The following SASH1 variants were observed in gnomAD, a reference collection of about 807,000 sequenced individuals.
The protein encoded by SASH1 is SAM and SH3 domain-containing protein 1.
SASH1 carries 44 observed loss-of-function variants against 125.2 expected under a neutral mutation model. The observed-to-expected ratio is 0.35, with a 90% confidence interval of 0.28 to 0.45. The LOEUF is 0.45. SASH1 is among the 20% of genes least tolerant of loss of function. SASH1 has a pLI of 1.00. For synonymous variants in SASH1, 639 were observed against 649.1 expected, an observed-to-expected ratio of 0.98 and a Z score of 0.24; for missense variants, 1,426 against 1,614.5, an observed-to-expected ratio of 0.88 and a Z score of 2.00.
At position 148,544,095 on chromosome 6, in the gene SASH1, T is replaced by G. The variant is rs751922527; in HGVS notation, c.2625T>G (p.Ser875=). ...AAGTGCCACAGAAGACGACCGCCTC[T>G]TCCACGAAGGCCCAGCCCCTGGAGC... The part of the protein sequence containing the change: ...VPEVPQKTTA[S]STKAQPLEQD... The change falls in exon 18 of 20, where the codon TCT becomes TCG. Residue 875 remains serine (S), a synonymous_variant. Coordinates refer to ENST00000367467, the MANE Select transcript of SASH1 (RefSeq NM_015278.5). The surrounding 1 kb of genome is among the most constrained non-coding windows in gnomAD (Gnocchi z 6.4). 1 of 1,614,076 alleles carries G rather than the reference T, an allele frequency of 6.2e-7. No homozygotes were observed. The highest frequency in any genetic ancestry group is 1.6e-4 in the Middle Eastern group (1 of 6,062).
At chr6:148,316,508 C>T (rs546510403) in intron 1 of SASH1, among the ~76,000 whole-genome samples, 2 of 152,242 alleles carry the variant, frequency 1.3e-5, no homozygotes, top group African/African-American at 2.4e-5. Context: ...GAACAGCACA[C>T]GGCCCGCTTC....
At chr6:148,383,579 C>T (rs1783241234) in intron 1 of SASH1, among the ~76,000 whole-genome samples, 1 of 152,110 alleles carries the variant, frequency 6.6e-6, no homozygotes, top group South Asian at 2.1e-4. Flanking sequence ...TGCATACAAT[C>T]TGCATGCAAC....
At chr6:148,255,484 T>C in the SASH1 span, among the ~76,000 whole-genome samples, 1 of 152,182 alleles carries the variant, frequency 6.6e-6, no homozygotes, top group African/African-American at 2.4e-5. Flanking sequence ...CTTCAAAATA[T>C]GAATTTGGGG....
At chr6:148,227,250 G>A in the SASH1 span, among the ~76,000 whole-genome samples, 1 of 152,156 alleles carries the variant, frequency 6.6e-6, no homozygotes, top group Non-Finnish European at 1.5e-5. Context: ...TCCATTAGAA[G>A]GTAAATTCCT....
chr6:148,306,823 G>A (rs1435726714), intron 1 of SASH1, among the ~76,000 whole-genome samples: 2 of 152,096 alleles, frequency 1.3e-5, no homozygotes, highest in African/African-American at 2.4e-5. Flanking sequence ...TCAAGAATTG[G>A]GAGAGCTTCA....
the SASH1 span, among the ~76,000 whole-genome samples, chr6:148,247,744 A>G: frequency 8.5e-5 from 13 of 152,372 alleles, no homozygotes; most frequent in African/African-American, 2.2e-4. Context: ...GAAAGTTCCC[A>G]TGCAAGTGGG....
In SASH1 at chr6:148,514,476, A is replaced by G; in HGVS notation, c.862+20A>G. ...CTGAAGGTAAAAAAAAAAAAAAAAA[A>G]AAAAAAAAAAGGCAGACTCCACCCT... is the stretch of plus-strand genomic sequence containing the variant. On this transcript the variant is annotated intron_variant, in intron 9 of 19. Coordinates refer to ENST00000367467, the MANE Select transcript of SASH1 (RefSeq NM_015278.5). The G allele has an allele frequency of 7.1e-7, 1 of 1,415,496 alleles. No individual in the cohort carries two copies. 87.7% of individuals were successfully genotyped at this position (1,415,496 alleles called of 1,614,324 possible).
At chr6:148,194,916 A>G in the SASH1 span, among the ~76,000 whole-genome samples, 2 of 143,808 alleles carry the variant, frequency 1.4e-5, no homozygotes, top group Non-Finnish European at 2.9e-5. Flanking sequence ...AAAACAAAAC[A>G]AAAAAAGAAT....
chr6:148,482,935 TGCC>T (rs1778693912), intron 7 of SASH1, among the ~76,000 whole-genome samples: 2 of 152,050 alleles, frequency 1.3e-5, no homozygotes, highest in African/African-American at 4.8e-5. Context: ...GTGATCCACC[TGCC>T]TCAGCCTCCC....
chr6:148,450,824 G>A (rs191942433), intron 4 of SASH1, among the ~76,000 whole-genome samples: 74 of 151,784 alleles, frequency 4.9e-4, no homozygotes, highest in African/African-American at 1.6e-3. Context: ...GAATTAAGAT[G>A]CCCTACCTGA....
At chr6:148,493,256 T>C (rs1428546887) in intron 8 of SASH1, among the ~76,000 whole-genome samples, 1 of 152,236 alleles carries the variant, frequency 6.6e-6, no homozygotes, top group Non-Finnish European at 1.5e-5. Context: ...ATTGTAATCC[T>C]AAGGTATATA....
rs767845658 is a variant in SASH1 at position 148,468,551 on chromosome 6, T to G, written c.393T>G (p.Pro131=). ...ATTTGTTTTTCTTTTCTAGGAACCC[T>G]CTTCATAAATCAAACTCAGAAGACA... ...VSTPEVERKN[P]LHKSNSEDSS... is the part of the protein sequence containing the mutation. The change falls in exon 5 of 20, where the codon CCT becomes CCG. Residue 131 remains proline (P), a synonymous_variant. Transcript: ENST00000367467. 64 of 1,609,388 alleles carry G rather than the reference T, an allele frequency of 4.0e-5. No homozygotes were observed. Among genetic ancestry groups the G allele is most frequent in the African/African-American group, 2.7e-5 (2 of 74,828 alleles).
At chr6:148,387,616 CTTTCT>C (rs1783480050) in intron 1 of SASH1, among the ~76,000 whole-genome samples, 1 of 21,002 alleles carries the variant, frequency 4.8e-5, no homozygotes, top group African/African-American at 2.0e-4. Flanking sequence ...TTCTTTCTTT[CTTTCT>C]TTCTTTCTTT....
chr6:148,211,502 T>G, the SASH1 span, among the ~76,000 whole-genome samples: 2 of 148,930 alleles, frequency 1.3e-5, no homozygotes, highest in South Asian at 2.1e-4. Context: ...ACGTGGGAGG[T>G]GGAGGTTACA....
intron 2 of SASH1, among the ~76,000 whole-genome samples, chr6:148,423,627 TATG>T (rs1390345451): frequency 1.3e-5 from 2 of 152,230 alleles, no homozygotes; most frequent in Non-Finnish European, 2.9e-5. Flanking sequence ...ACGTTATTTA[TATG>T]ATAACATGAA....
At chr6:148,329,883 T>A (rs1370206780) in intron 1 of SASH1, among the ~76,000 whole-genome samples, 2 of 151,520 alleles carry the variant, frequency 1.3e-5, no homozygotes, top group Admixed American at 1.3e-4. Context: ...GGAATGGGAG[T>A]GTCTCTTTGT....
chr6:148,279,011 G>A (rs1375181849), intron 1 of SASH1, among the ~76,000 whole-genome samples: 1 of 149,716 alleles, frequency 6.7e-6, no homozygotes, highest in African/African-American at 2.5e-5. Flanking sequence ...TTTTTTAATA[G>A]AGGCAGAGTC....
chr6:148,484,930 G>A (rs193294926), intron 7 of SASH1, among the ~76,000 whole-genome samples: 22 of 152,172 alleles, frequency 1.4e-4, no homozygotes, highest in African/African-American at 4.8e-4. Context: ...ACAACAGAGC[G>A]AGACCCTGTT....
chr6:148,328,181 A>G (rs1780892378), intron 1 of SASH1, among the ~76,000 whole-genome samples: 1 of 152,214 alleles, frequency 6.6e-6, no homozygotes, highest in Admixed American at 6.5e-5. Flanking sequence ...AGTTGGGACT[A>G]CAGGCGTGCT....
Sources: gnomAD v4.1 joint callset for allele counts (sites outside exome capture counted in the v4.1 genomes callset) on GRCh38, gnomAD v4.1.1 for gene constraint, Gnocchi (gnomAD v3.1) non-coding constraint, MANE v1.5 for transcripts, NCBI Gene and HGNC (gene_info 2026-07-23, HGNC 2026-07-21) for gene names.